The following EPN2 variants were observed in gnomAD, a reference collection of about 807,000 sequenced individuals.
The protein encoded by EPN2 is epsin-2.
A neutral mutation model predicts 61.7 loss-of-function variants in EPN2; 34 were observed. That is an observed-to-expected ratio of 0.55 (90% CI 0.42 to 0.73). The LOEUF (loss-of-function observed/expected upper bound fraction) is 0.73, where lower values mean the gene tolerates loss of function less well. Among genes scored for constraint, EPN2 ranks in the 30% least tolerant of loss-of-function variants. The pLI, the probability that EPN2 is intolerant of heterozygous loss-of-function variation, is 0.00. For missense variants in EPN2, 714 were observed against 839.2 expected, an observed-to-expected ratio of 0.85 and a Z score of 1.84; for synonymous variants, 349 against 353.6, an observed-to-expected ratio of 0.99 and a Z score of 0.15.
At position 19,312,139 on chromosome 17, in the gene EPN2, AAAGAGGT is replaced by A; in HGVS notation, c.972+1_972+7del. On this transcript the variant is annotated splice_donor_variant and coding_sequence_variant, in exon 6 of 11. Coordinates refer to ENST00000314728, the MANE Select transcript of EPN2 (RefSeq NM_014964.5). LOFTEE classifies it high-confidence loss of function. ...GGACACAGTTAAAATTCCAAAAAAGAAAGAGGTAAGAGCTTGCTGGGAGGGTAGATGT... is the reference window on the plus strand; with the variant it reads ...GGACACAGTTAAAATTCCAAAAAAGAAAGAGCTTGCTGGGAGGGTAGATGT... 6.2e-7 allele frequency: 1 copy of A among 1,612,620 alleles called. No homozygotes were observed. The highest frequency in any genetic ancestry group is 8.5e-7 in the Non-Finnish European group (1 of 1,178,624).
At chr17:19,320,148 T>A (rs1271351600) in intron 7 of EPN2, among the ~76,000 whole-genome samples, 2 of 152,196 alleles carry the variant, frequency 1.3e-5, no homozygotes, top group Non-Finnish European at 2.9e-5. Context: ...CCTGGCAAAC[T>A]CTTATGTATT....
chr17:19,324,130 T>A (rs187382491), intron 7 of EPN2, among the ~76,000 whole-genome samples: 1 of 150,862 alleles, frequency 6.6e-6, no homozygotes, highest in East Asian at 1.9e-4. Flanking sequence ...AAAAAATTGA[T>A]GATGTCCTAG....
intron 1 of EPN2, among the ~76,000 whole-genome samples, chr17:19,237,854 T>G (rs2044834565): frequency 6.6e-6 from 1 of 151,876 alleles, no homozygotes. Context: ...CGCCCCTTAC[T>G]CCTACCTCGG....
chr17:19,310,071 G>A, intron 5 of EPN2, 74 bp downstream of exon 5: 1 of 1,036,102 alleles, frequency 9.7e-7, no homozygotes, highest in Non-Finnish European at 1.5e-6. Flanking sequence ...CTGGGAAGAA[G>A]ATGGCAGACA....
chr17:19,335,609 T>G lies in EPN2; in HGVS notation c.*1355T>G. 1 of 547,640 alleles carries G rather than the reference T, an allele frequency of 1.8e-6. No individual in the cohort carries two copies. The highest frequency in any genetic ancestry group is 2.9e-6 in the Non-Finnish European group (1 of 345,956). The allele number at this position is 547,640 out of a possible 1,614,324, so 33.9% of individuals were successfully genotyped here. On this transcript the variant is annotated 3_prime_UTR_variant, in exon 11 of 11. Coordinates refer to ENST00000314728, the MANE Select transcript of EPN2 (RefSeq NM_014964.5). The stretch of plus-strand genomic sequence containing the variant: ...GGTCCCTGGGCAACAGTCCCTAGGC[T>G]AAGACAGGGGTGGGGGGCTAAGGGA...
intron 1 of EPN2, among the ~76,000 whole-genome samples, chr17:19,256,335 C>G (rs1418540547): frequency 1.4e-5 from 2 of 146,792 alleles, no homozygotes; most frequent in African/African-American, 2.6e-5. Context: ...CCCATTATCC[C>G]AGCTACTCAG....
At position 19,289,724 on chromosome 17, in the gene EPN2, G is replaced by GTTTTTTTTTTTTTTTTTT. The variant is rs58087532; in HGVS notation, c.766+3937_766+3954dup. 9.5e-3 allele frequency among the ~76,000 whole-genome samples: 739 copies of GTTTTTTTTTTTTTTTTTT among 78,010 alleles called. 121 individuals are homozygous for GTTTTTTTTTTTTTTTTTT. The highest frequency in any genetic ancestry group is 0.024 in the East Asian group (41 of 1,734). 51.2% of individuals were successfully genotyped at this position (78,010 alleles called of 152,430 possible). A position where few individuals can be genotyped will look rare whatever the true frequency, so the allele number is the denominator to read the frequency against. On this transcript the variant is annotated intron_variant, in intron 4 of 10. Coordinates refer to ENST00000314728, the MANE Select transcript of EPN2 (RefSeq NM_014964.5). ...TGTTCGGCCTCACCTGGCGCTCATG[G>GTTTTTTTTTTTTTTTTTT]TTTTTTTTTTTTTTTTTTTTGAGAT...
At chr17:19,259,735 G>C (rs965177539) in intron 1 of EPN2, among the ~76,000 whole-genome samples, 2 of 152,210 alleles carry the variant, frequency 1.3e-5, no homozygotes, top group African/African-American at 2.4e-5. Context: ...CCAGGGAAAA[G>C]GCCAAGGGTG....
chr17:19,310,616 C>T (rs543875966), intron 5 of EPN2, among the ~76,000 whole-genome samples: 13 of 107,114 alleles, frequency 1.2e-4, no homozygotes, highest in African/African-American at 4.4e-4. Context: ...CTCACTCTGT[C>T]ACCCAGGCTG....
At chr17:19,326,768 T>TA (rs1202880995) in intron 7 of EPN2, among the ~76,000 whole-genome samples, 3 of 151,460 alleles carry the variant, frequency 2.0e-5, no homozygotes, top group African/African-American at 4.9e-5. Flanking sequence ...AGACTTGACT[T>TA]ACGACAGAGG....
At chr17:19,327,261 T>C (rs933258124) in intron 7 of EPN2, among the ~76,000 whole-genome samples, 4 of 152,130 alleles carry the variant, frequency 2.6e-5, no homozygotes, top group Non-Finnish European at 5.9e-5. Flanking sequence ...TTTCATAGAA[T>C]GGAACAAAAC....
intron 7 of EPN2, among the ~76,000 whole-genome samples, chr17:19,322,671 T>TTG (rs1906693556): frequency 6.7e-6 from 1 of 150,250 alleles, no homozygotes; most frequent in African/African-American, 2.5e-5. Flanking sequence ...GCCTAGGAGG[T>TTG]TGAAACTGCA....
intron 7 of EPN2, among the ~76,000 whole-genome samples, chr17:19,314,340 G>A (rs1400230110): frequency 6.8e-6 from 1 of 148,028 alleles, no homozygotes; most frequent in Non-Finnish European, 1.5e-5. Context: ...AAGCATTTTG[G>A]AGGAAGGCCA....
At position 19,334,009 on chromosome 17, in the gene EPN2, C is replaced by T; in HGVS notation, c.1681C>T (p.Pro561Ser). 6.3e-7 allele frequency: 1 copy of T among 1,592,254 alleles called. No homozygotes were observed. The highest frequency in any genetic ancestry group is 8.6e-7 in the Non-Finnish European group (1 of 1,166,226). ...VNPFQVNQPQPLTLNQLRGSP... is the reference protein window; with the variant it reads ...VNPFQVNQPQSLTLNQLRGSP... ...CCCTTTCCAGGTGAACCAGCCCCAG[C>T]CGCTGACACTGAACCAGCTTCGGGG... Residue 561 changes from proline (P) to serine (S), a missense_variant, in exon 11 of 11, where the codon CCG (proline) becomes TCG (serine). By Grantham distance (74) the Pro-to-Ser change is moderately conservative (BLOSUM62 -1). This residue lies in a region of EPN2 where 410 missense variants were observed against 421.8 expected (regional missense o/e 0.97). Coordinates refer to ENST00000314728, the MANE Select transcript of EPN2 (RefSeq NM_014964.5). The surrounding 1 kb of genome is among the most constrained non-coding windows in gnomAD (Gnocchi z 4.9).
chr17:19,322,338 G>A (rs3785776), intron 7 of EPN2, among the ~76,000 whole-genome samples: 4,185 of 152,200 alleles, frequency 0.027, 77 homozygotes, highest in Non-Finnish European at 0.038. Context: ...GGCCCCCATC[G>A]CCGGGGCAAG....
intron 4 of EPN2, among the ~76,000 whole-genome samples, chr17:19,304,105 A>AAAT (rs1567861641): frequency 1.3e-5 from 2 of 151,354 alleles, no homozygotes; most frequent in Non-Finnish European, 2.9e-5. Flanking sequence ...TCCGTCTCAA[A>AAAT]AAATAAATAA....
intron 1 of EPN2, among the ~76,000 whole-genome samples, chr17:19,244,331 G>A (rs572243287): frequency 1.2e-3 from 175 of 152,026 alleles, no homozygotes; most frequent in Admixed American, 2.5e-3. Flanking sequence ...TGGTGGCGTG[G>A]GCCTGTAGTC....
At chr17:19,250,430 C>T (rs1174864213) in intron 1 of EPN2, among the ~76,000 whole-genome samples, 1 of 152,136 alleles carries the variant, frequency 6.6e-6, no homozygotes, top group African/African-American at 2.4e-5. Context: ...CCTTAATTCT[C>T]CTTTGCCACA....
rs138814547 is a variant in EPN2 at position 19,245,826 on chromosome 17, G to A, written c.-294+8295G>A. ...TACAGGCACGTACCACCACGCCTGG[G>A]TAATTTTTTTGTATTTTTAGTAGAG... On this transcript the variant is annotated intron_variant, in intron 1 of 10. Coordinates refer to ENST00000314728, the MANE Select transcript of EPN2 (RefSeq NM_014964.5). Among the ~76,000 whole-genome samples the A allele has an allele frequency of 6.5e-3, 983 of 151,954 alleles. 53 individuals are homozygous for A. In the East Asian group the frequency reaches 0.12, roughly 18 times the overall value.
Sources: gnomAD v4.1 joint callset for allele counts (sites outside exome capture counted in the v4.1 genomes callset) on GRCh38, gnomAD v4.1.1 for gene constraint, gnomAD v4.1.1 regional missense constraint, Gnocchi (gnomAD v3.1) non-coding constraint, MANE v1.5 for transcripts, NCBI Gene and HGNC (gene_info 2026-07-23, HGNC 2026-07-21) for gene names.